The following IKZF2 variants were observed in gnomAD, a reference collection of about 807,000 sequenced individuals.
IKZF2 encodes zinc finger protein Helios.
IKZF2 carries 15 observed loss-of-function variants against 49.2 expected under a neutral mutation model. The ratio of observed to expected loss-of-function variants is 0.30; its 90% CI spans 0.20 to 0.47. The LOEUF (loss-of-function observed/expected upper bound fraction) is 0.47, where lower values mean the gene tolerates loss of function less well. Among genes scored for constraint, IKZF2 ranks in the 20% least tolerant of loss-of-function variants. The pLI, the probability that IKZF2 is intolerant of heterozygous loss-of-function variation, is 1.00. For synonymous variants in IKZF2, 227 were observed against 221.4 expected (o/e 1.03, Z -0.23); for missense variants, 567 against 664.6 (o/e 0.85, Z 1.61).
chr2:213,005,196 G>GGGGC lies in IKZF2; in HGVS notation c.*2163_*2164insGCCC, dbSNP rs1559149901. 3 of 130,036 alleles carry GGGGC rather than the reference G, an allele frequency of 2.3e-5. 1 individual carries two copies. The highest frequency in any genetic ancestry group is 2.8e-4 in the East Asian group (1 of 3,588). 8.1% of individuals were successfully genotyped at this position (130,036 alleles called of 1,614,324 possible). ...ATTATTTGGGAGTGGTTGGGTGGGG[G>GGGGC]GGGGTGAGCGAGTCTCAAAAACATG... On this transcript the variant is annotated 3_prime_UTR_variant, in exon 9 of 9. Transcript: ENST00000434687.
chr2:213,074,603 ACTCTT>A (rs1703060924), intron 4 of IKZF2, among the ~76,000 whole-genome samples: 1 of 152,118 alleles, frequency 6.6e-6, no homozygotes, highest in East Asian at 1.9e-4. Context: ...GCCTAACAAA[ACTCTT>A]AAATCCAATC....
intron 4 of IKZF2, among the ~76,000 whole-genome samples, chr2:213,144,565 T>C (rs529431775): frequency 3.3e-5 from 5 of 152,038 alleles, no homozygotes; most frequent in African/African-American, 9.6e-5. Context: ...GGATTATTTT[T>C]ATATTGTTCT....
In IKZF2 at chr2:213,124,252, GCACACACACACACACACACACACACA is replaced by G. The variant is rs66958263; in HGVS notation, c.139+23430_139+23455del. Among the ~76,000 whole-genome samples the G allele has an allele frequency of 1.1e-3, 153 of 136,322 alleles. 1 individual carries two copies. The highest frequency in any genetic ancestry group is 4.1e-3 in the African/African-American group (151 of 36,960). 89.4% of individuals were successfully genotyped at this position (136,322 alleles called of 152,430 possible). A position where few individuals can be genotyped will look rare whatever the true frequency, so the allele number is the denominator to read the frequency against. On this transcript the variant is annotated intron_variant, in intron 4 of 8. Coordinates refer to ENST00000434687, the MANE Select transcript of IKZF2 (RefSeq NM_001387220.1). ...CGCACACATGCGCTCGCGCGCGCGCGCACACACACACACACACACACACACACACACACACACACACACACAGCCAC... is the reference window on the plus strand; with the variant it reads ...CGCACACATGCGCTCGCGCGCGCGCGCACACACACACACACACACAGCCAC...
intron 4 of IKZF2, among the ~76,000 whole-genome samples, chr2:213,070,820 G>T (rs887739323): frequency 1.3e-5 from 2 of 152,116 alleles, no homozygotes; most frequent in African/African-American, 4.8e-5. Flanking sequence ...AAATAATACT[G>T]CTGGAAAAGA....
At chr2:213,063,167 G>A (rs886105398) in intron 4 of IKZF2, among the ~76,000 whole-genome samples, 1 of 151,976 alleles carries the variant, frequency 6.6e-6, no homozygotes, top group East Asian at 1.9e-4. Context: ...AGCTGCAGCT[G>A]AGCCACTTCT....
chr2:213,084,201 C>A lies in IKZF2; in HGVS notation c.140-27102G>T, dbSNP rs544192149. On this transcript the variant is annotated intron_variant, in intron 4 of 8. Transcript: ENST00000434687. ...TTTTGCATCCCAAACCTGTCACTTACCAGCTGTATATCACAGAGCATATTA... is the reference window on the plus strand; with the variant it reads ...TTTTGCATCCCAAACCTGTCACTTAACAGCTGTATATCACAGAGCATATTA... 3.9e-5 allele frequency among the ~76,000 whole-genome samples: 6 copies of A among 152,256 alleles called. No individual in the cohort carries two copies. The South Asian group carries it at 1.0e-3, about 26-fold the overall frequency.
rs1348486530 is a variant in IKZF2 at position 213,007,794 on chromosome 2, G to T, written c.1147C>A (p.Pro383Thr). Reference protein sequence around the residue: ...ADSHENNMDGPISLIRPKSRP... With the variant: ...ADSHENNMDGTISLIRPKSRP... ...CTCTTTGGTCTGATGAGAGAGATGG[G>T]GCCATCCATGTTGTTTTCATGACTA... Residue 383 changes from proline to threonine, a missense_variant, in exon 9 of 9, where the codon CCC (proline) becomes ACC (threonine). By Grantham distance (38) the Pro-to-Thr change is conservative. This residue lies in a region of IKZF2 where 310 missense variants were observed against 326.9 expected (regional missense o/e 0.95). Transcript: ENST00000434687. 6.2e-7 allele frequency: 1 copy of T among 1,613,406 alleles called. No individual in the cohort carries two copies. Among genetic ancestry groups the T allele is most frequent in the Admixed American group, 1.7e-5 (1 of 59,910 alleles).
chr2:213,116,309 T>C (rs1022789893), intron 4 of IKZF2, among the ~76,000 whole-genome samples: 4 of 152,214 alleles, frequency 2.6e-5, no homozygotes, highest in Non-Finnish European at 4.4e-5. Flanking sequence ...TAATTTCTAT[T>C]ATACAATCCC....
chr2:213,107,301 G>A (rs1372791324), intron 4 of IKZF2, among the ~76,000 whole-genome samples: 2 of 152,164 alleles, frequency 1.3e-5, no homozygotes, highest in African/African-American at 4.8e-5. Context: ...TATTTCTTGG[G>A]CAAGGTTTAT....
chr2:213,012,962 G>T (rs1696137090), intron 8 of IKZF2, among the ~76,000 whole-genome samples: 1 of 151,794 alleles, frequency 6.6e-6, no homozygotes, highest in Non-Finnish European at 1.5e-5. Flanking sequence ...CTTTTAAAAA[G>T]TCCATGCTTT....
At chr2:213,099,024 A>G (rs1218727117) in intron 4 of IKZF2, among the ~76,000 whole-genome samples, 1 of 152,198 alleles carries the variant, frequency 6.6e-6, no homozygotes, top group African/African-American at 2.4e-5. Context: ...ATGAACATCA[A>G]TGATCAGCAA....
chr2:213,021,719 A>T (rs1697239828), intron 7 of IKZF2: 1 of 505,960 alleles, frequency 2.0e-6, no homozygotes, highest in East Asian at 5.3e-5. Context: ...AGCTCTAACT[A>T]TCTGGTTAGA....
At chr2:213,042,758 A>G (rs748402603) in intron 6 of IKZF2, among the ~76,000 whole-genome samples, 1 of 152,188 alleles carries the variant, frequency 6.6e-6, no homozygotes, top group Non-Finnish European at 1.5e-5. Flanking sequence ...AACTAAAGAT[A>G]ATGTGTTATG....
chr2:213,097,135 A>C (rs546553188), intron 4 of IKZF2, among the ~76,000 whole-genome samples: 8 of 152,122 alleles, frequency 5.3e-5, no homozygotes, highest in Non-Finnish European at 7.4e-5. Context: ...AATGGCATGC[A>C]GTTTAATGAG....
chr2:213,007,349 A>T lies in IKZF2; in HGVS notation c.*11T>A. The T allele has an allele frequency of 8.7e-6, 14 of 1,609,706 alleles. No individual in the cohort carries two copies. Among genetic ancestry groups the T allele is most frequent in the Non-Finnish European group, 1.1e-5 (13 of 1,177,894 alleles). On this transcript the variant is annotated 3_prime_UTR_variant, in exon 9 of 9. Transcript: ENST00000434687. ...TTTACTTCATAGGGGTCCCCTTTGG[A>T]ATGAAAAGGCCTAGTGGAATGTGTG...
chr2:213,150,445 A>AC (rs2061241349), intron 1 of IKZF2, 198 bp from the exon 2 acceptor site: 3 of 176,426 alleles, frequency 1.7e-5, no homozygotes, highest in Admixed American at 1.4e-4. Flanking sequence ...AATGAGAGAG[A>AC]AGAACACCCC....
rs114675574 is a variant in IKZF2 at position 213,053,814 on chromosome 2, C to A, written c.406+3019G>T. Reference sequence around the variant, plus strand: ...TGATTACTTACTAAAGTAGCAATACCAAATCAATAAAATGAAACCATTAAT... The same window carrying A: ...TGATTACTTACTAAAGTAGCAATACAAAATCAATAAAATGAAACCATTAAT... On this transcript the variant is annotated intron_variant, in intron 5 of 8. Coordinates refer to ENST00000434687, the MANE Select transcript of IKZF2 (RefSeq NM_001387220.1). 8.3e-3 allele frequency among the ~76,000 whole-genome samples: 1,269 copies of A among 152,112 alleles called. 9 individuals are homozygous for A. The highest frequency in any genetic ancestry group is 0.01 in the Non-Finnish European group (709 of 68,000).
rs540281267 is a variant in IKZF2 at position 213,120,089 on chromosome 2, T to C, written c.139+27619A>G. Among the ~76,000 whole-genome samples, 4 of 152,324 alleles carry C rather than the reference T, an allele frequency of 2.6e-5. No individual in the cohort carries two copies. In the East Asian group the frequency reaches 7.7e-4, roughly 29 times the overall value. On this transcript the variant is annotated intron_variant, in intron 4 of 8. Transcript: ENST00000434687. Reference sequence around the variant, plus strand: ...CTTCATGAAAGTTCATTCACTCTCCTTTTAGTCATTTGTTCATAAAACAAT... The same window carrying C: ...CTTCATGAAAGTTCATTCACTCTCCCTTTAGTCATTTGTTCATAAAACAAT...
chr2:213,036,285 T>A (rs1488728849), intron 6 of IKZF2, among the ~76,000 whole-genome samples: 1 of 152,178 alleles, frequency 6.6e-6, no homozygotes, highest in Admixed American at 6.6e-5. Context: ...ACATGTAATA[T>A]GTAAAATGAC....
Sources: allele counts gnomAD v4.1 joint callset (sites outside exome capture counted in the v4.1 genomes callset), GRCh38; gene constraint gnomAD v4.1.1; regional missense constraint gnomAD v4.1.1; transcripts MANE v1.5; gene names NCBI Gene and HGNC (gene_info 2026-07-23, HGNC 2026-07-21).